Variants in ALDH3B2 observed in about 807,000 individuals in gnomAD.
The protein encoded by ALDH3B2 is aldehyde dehydrogenase family 3 member B2.
ALDH3B2 carries 45 observed loss-of-function variants against 36.7 expected under a neutral mutation model. The ratio of observed to expected loss-of-function variants is 1.23; its 90% confidence interval spans 0.97 to 1.57. The LOEUF (loss-of-function observed/expected upper bound fraction) is 1.57. Among genes scored for constraint, ALDH3B2 ranks in the 40% most tolerant of loss-of-function variants. The pLI is 0.00. For synonymous variants in ALDH3B2, 217 were observed against 226.5 expected, an observed-to-expected ratio of 0.96 and a Z score of 0.38; for missense variants, 464 against 513.3, an observed-to-expected ratio of 0.90 and a Z score of 0.93.
At chr11:67,678,008 G>T (rs1300949429), upstream of ALDH3B2, among the ~76,000 whole-genome samples, 1 of 152,174 alleles carries the variant, frequency 6.6e-6, no homozygotes, top group Non-Finnish European at 1.5e-5. Context: ...TCATGGATGG[G>T]TAGAATCAGT....
chr11:67,666,901 C>T lies in ALDH3B2; in HGVS notation c.30+5G>A, dbSNP rs1246137855. On this transcript the variant is annotated splice_donor_5th_base_variant and intron_variant, in intron 3 of 9. Transcript: ENST00000349015. ...GCCCTCCTGCCGCCTGCCAGCAGGG[C>T]TCACCAGGTTCGTGGACCGTGGTTC... The T allele has an allele frequency of 1.9e-6, 3 of 1,614,222 alleles. No homozygotes were observed. Among genetic ancestry groups the T allele is most frequent in the East Asian group, 2.2e-5 (1 of 44,878 alleles).
Position 67,666,298 on chromosome 11 carries a change from G to A in ALDH3B2, c.237+18C>T, listed in dbSNP as rs1331162586. 2 of 1,609,712 alleles carry A rather than the reference G, an allele frequency of 1.2e-6. No individual in the cohort carries two copies. The highest frequency in any genetic ancestry group is 8.5e-7 in the Non-Finnish European group (1 of 1,177,864). ...TATATGGGGACGTCGGGCACTGCTGGGGCAGGGCCACCCTCACCTGGTCCA... is the reference window on the plus strand; with the variant it reads ...TATATGGGGACGTCGGGCACTGCTGAGGCAGGGCCACCCTCACCTGGTCCA... On this transcript the variant is annotated intron_variant, in intron 5 of 9. Coordinates refer to ENST00000349015, the Ensembl canonical transcript of ALDH3B2.
chr11:67,680,263 G>A (rs1856346455), intron 1 of ALDH3B2, among the ~76,000 whole-genome samples: 1 of 152,160 alleles, frequency 6.6e-6, no homozygotes, highest in Non-Finnish European at 1.5e-5. Context: ...GCAGTAAGCC[G>A]AGATTGCACT....
chr11:67,671,845 G>C (rs991950947), intron 1 of ALDH3B2, among the ~76,000 whole-genome samples: 15 of 148,724 alleles, frequency 1.0e-4, no homozygotes, highest in African/African-American at 2.5e-5. Flanking sequence ...GCGGGCCCCT[G>C]CCTCTCATTT....
rs139219336 is a variant in ALDH3B2, at chr11:67,663,964, C to T, written c.874-203G>A. Among the ~76,000 whole-genome samples, 657 of 152,254 alleles carry T rather than the reference C, an allele frequency of 4.3e-3. 6 individuals are homozygous for T. The highest frequency in any genetic ancestry group is 0.015 in the African/African-American group (610 of 41,564). ...GCCATGGGGGTGATTACCACCATGG[C>T]GCAAAGACCAGGAAGCCCTGCAGGA... On this transcript the variant is annotated intron_variant, in intron 8 of 9. Coordinates refer to ENST00000349015, the Ensembl canonical transcript of ALDH3B2.
exon 6 of ALDH3B2, chr11:67,666,172 T>C (rs1855901770): frequency 1.9e-6 from 3 of 1,614,002 alleles, no homozygotes; most frequent in South Asian, 2.2e-5. Flanking sequence ...CCCTGTCTCC[T>C]GGGGTCCGCC....
chr11:67,671,112 G>T (rs1357442768), intron 1 of ALDH3B2: 1 of 152,510 alleles, frequency 6.6e-6, no homozygotes, highest in Non-Finnish European at 1.5e-5. Context: ...CCTCCGGCCT[G>T]AATCAAGACC....
rs746468307 is a variant in ALDH3B2, at chr11:67,664,389, C to A, written c.873+7G>T. On this transcript the variant is annotated splice_region_variant and intron_variant, in intron 8 of 9. Coordinates refer to ENST00000349015, the Ensembl canonical transcript of ALDH3B2. Reference sequence around the variant, plus strand: ...CTCCATTGCCCCCAACCCGGCCGCACCCCCACCTGGCTGCTGTTGGAGAAG... The same window carrying A: ...CTCCATTGCCCCCAACCCGGCCGCAACCCCACCTGGCTGCTGTTGGAGAAG... 5.0e-6 allele frequency: 8 copies of A among 1,613,804 alleles called. No homozygotes were observed. Among genetic ancestry groups the A allele is most frequent in the Non-Finnish European group, 6.8e-6 (8 of 1,179,996 alleles).
At chr11:67,671,449 T>C (rs1261606643) in intron 1 of ALDH3B2, 1 of 152,062 alleles carries the variant, frequency 6.6e-6, no homozygotes, top group African/African-American at 2.4e-5. Context: ...GGGGCAGGGC[T>C]GACTGGTGTG....
At position 67,666,409 on chromosome 11, in the gene ALDH3B2, G is replaced by A. The variant is rs757129785; in HGVS notation, c.152-8C>T. On this transcript the variant is annotated splice_region_variant and splice_polypyrimidine_tract_variant and intron_variant, in intron 4 of 9. Transcript: ENST00000349015. ...TCAGCACCACGCAACTCCCTGCAGG[G>A]GCAGATGGGGACGTCGTTGGGGGAG... 6.2e-7 allele frequency: 1 copy of A among 1,608,174 alleles called. No individual in the cohort carries two copies. Among genetic ancestry groups the A allele is most frequent in the South Asian group, 1.1e-5 (1 of 90,426 alleles).
chr11:67,671,698 C>A (rs1329295350), intron 1 of ALDH3B2, among the ~76,000 whole-genome samples: 1 of 151,772 alleles, frequency 6.6e-6, no homozygotes, highest in Non-Finnish European at 1.5e-5. Context: ...AGGCATGCAC[C>A]ACCACGCCCA....
chr11:67,667,147 C>T (rs1031278358), intron 2 of ALDH3B2, 131 bp from the exon 3 acceptor site: 1 of 613,252 alleles, frequency 1.6e-6, no homozygotes, highest in Admixed American at 2.8e-5. Context: ...GAGGCACTGC[C>T]GTCCCCTGGG....
chr11:67,671,887 A>G (rs1397934688), intron 1 of ALDH3B2, among the ~76,000 whole-genome samples: 2 of 149,820 alleles, frequency 1.3e-5, no homozygotes. Flanking sequence ...CCACCGAGAT[A>G]GATGCACATT....
chr11:67,664,880 T>C (rs1004736516), intron 7 of ALDH3B2, among the ~76,000 whole-genome samples: 3 of 152,164 alleles, frequency 2.0e-5, no homozygotes, highest in African/African-American at 7.2e-5. Context: ...ATGTTGGAGC[T>C]GCAGTGTCCC....
chr11:67,675,834 T>C (rs1163074477), upstream of ALDH3B2, among the ~76,000 whole-genome samples: 1 of 152,254 alleles, frequency 6.6e-6, no homozygotes, highest in Non-Finnish European at 1.5e-5. Context: ...GTGAGTTGTA[T>C]GGGATGTGAA....
chr11:67,679,060 A>G (rs1434000231), upstream of ALDH3B2, among the ~76,000 whole-genome samples: 2 of 152,080 alleles, frequency 1.3e-5, no homozygotes, highest in African/African-American at 4.8e-5. Context: ...AAAAGACAAC[A>G]AGTATGGTGC....
upstream of ALDH3B2, among the ~76,000 whole-genome samples, chr11:67,678,354 A>C (rs1187862018): frequency 1.3e-5 from 2 of 152,176 alleles, no homozygotes; most frequent in Non-Finnish European, 2.9e-5. Context: ...AAATAAACAA[A>C]AACATAAAGT....
chr11:67,668,544 CTGTG>C (rs1331835925), intron 1 of ALDH3B2, among the ~76,000 whole-genome samples: 1 of 152,046 alleles, frequency 6.6e-6, no homozygotes, highest in Non-Finnish European at 1.5e-5. Flanking sequence ...ATCCGTGTGT[CTGTG>C]TGTGTCTTTG....
At chr11:67,669,710 C>CTG (rs1230957993) in intron 1 of ALDH3B2, among the ~76,000 whole-genome samples, 1 of 113,906 alleles carries the variant, frequency 8.8e-6, no homozygotes, top group South Asian at 2.9e-4. Flanking sequence ...GTATGGGTGT[C>CTG]TGTGTGCGTA....
Sources: allele counts gnomAD v4.1 joint callset (sites outside exome capture counted in the v4.1 genomes callset), GRCh38; gene constraint gnomAD v4.1.1; transcripts MANE v1.5; gene names NCBI Gene and HGNC (gene_info 2026-07-23, HGNC 2026-07-21).